Variants in TMEM181 observed in about 807,000 individuals in gnomAD.
TMEM181 encodes the protein G protein-coupled receptor 178.
A neutral mutation model predicts 71.9 loss-of-function variants in TMEM181; 39 were observed. The ratio of observed to expected loss-of-function variants is 0.54; its 90% CI spans 0.42 to 0.71. The LOEUF is 0.71. Ranked by LOEUF, TMEM181 falls within the 30% of genes least tolerant of loss-of-function variation. TMEM181 has a pLI of 0.00. For synonymous variants in TMEM181, 245 were observed against 228.8 expected (o/e 1.07, Z -0.64); for missense variants, 595 against 583.0 (o/e 1.02, Z -0.21).
intron 1 of TMEM181, among the ~76,000 whole-genome samples, chr6:158,560,858 T>G (rs7739346): frequency 6.6e-6 from 1 of 151,234 alleles, no homozygotes; most frequent in South Asian, 2.1e-4. Context: ...GGGTTTTTAA[T>G]GAGGAAAAAC....
intron 6 of TMEM181, among the ~76,000 whole-genome samples, chr6:158,605,018 G>A (rs1295109599): frequency 3.3e-5 from 5 of 151,800 alleles, no homozygotes; most frequent in Admixed American, 2.0e-4. Context: ...GGAGGCTGAG[G>A]TAGGAGAAGT....
rs201020009 is a variant in TMEM181 at position 158,570,920 on chromosome 6, GTT to G, written c.9-2490_9-2489del. ...AGTATTTTGTTTGTTTGTTAGGTTG[GTT>G]TTTTTTTTTGAGATGGAGTCTCGCT... On this transcript the variant is annotated intron_variant, in intron 1 of 16. Transcript: ENST00000684151. Among the ~76,000 whole-genome samples the G allele has an allele frequency of 2.1e-5, 3 of 144,490 alleles. No homozygotes were observed. The East Asian group carries it at 6.0e-4, about 29-fold the overall frequency. 94.8% of individuals were successfully genotyped at this position (144,490 alleles called of 152,430 possible).
chr6:158,622,655 A>C (rs945750162), intron 10 of TMEM181, among the ~76,000 whole-genome samples: 6 of 152,238 alleles, frequency 3.9e-5, no homozygotes, highest in African/African-American at 9.6e-5. Context: ...CAGTTAACTG[A>C]AACTGCAGAA....
At chr6:158,560,711 C>G (rs1782115481) in intron 1 of TMEM181, among the ~76,000 whole-genome samples, 1 of 152,186 alleles carries the variant, frequency 6.6e-6, no homozygotes, top group African/African-American at 2.4e-5. Flanking sequence ...CTCTCAGAGG[C>G]GATTGGTGAC....
At position 158,631,924 on chromosome 6, in the gene TMEM181, G is replaced by A; in HGVS notation, c.*36G>A. Reference sequence around the variant, plus strand: ...GCCCAGCGAGGCGACAAGATGCCTGGATGCTTTCCCCGGTGACCGTCTGCT... The same window carrying A: ...GCCCAGCGAGGCGACAAGATGCCTGAATGCTTTCCCCGGTGACCGTCTGCT... On this transcript the variant is annotated 3_prime_UTR_variant, in exon 17 of 17. Transcript: ENST00000684151. 2 of 1,547,678 alleles carry A rather than the reference G, an allele frequency of 1.3e-6. No homozygotes were observed. The highest frequency in any genetic ancestry group is 1.8e-6 in the Non-Finnish European group (2 of 1,140,750).
chr6:158,541,779 T>C (rs1361857497), intron 1 of TMEM181, among the ~76,000 whole-genome samples: 1 of 152,228 alleles, frequency 6.6e-6, no homozygotes, highest in Non-Finnish European at 1.5e-5. Context: ...TCATCTTTTC[T>C]CCTTGTTTTC....
intron 15 of TMEM181, among the ~76,000 whole-genome samples, chr6:158,630,736 A>T (rs1786612702): frequency 1.3e-5 from 2 of 150,928 alleles, no homozygotes; most frequent in Non-Finnish European, 3.0e-5. Context: ...AAGCCAAAAC[A>T]TACAAAAAGT....
rs1786209000 is a variant in TMEM181 at position 158,625,254 on chromosome 6, C to T, written c.1057+48C>T. On this transcript the variant is annotated intron_variant, in intron 12 of 16. Coordinates refer to ENST00000684151, the MANE Select transcript of TMEM181 (RefSeq NM_001376852.1). ...GTGCAGGGGTGGCTTGGGAGTGACT[C>T]AGGTGGGGGAAGAAGTGGTTGGAGT... is the stretch of plus-strand genomic sequence containing the variant. 3.3e-6 allele frequency: 5 copies of T among 1,524,920 alleles called. No individual in the cohort carries two copies. In the East Asian group the frequency reaches 6.7e-5, roughly 21 times the overall value. The allele number at this position is 1,524,920 out of a possible 1,614,324, so 94.5% of individuals were successfully genotyped here.
At chr6:158,537,072 C>T (rs1781143291) in intron 1 of TMEM181, among the ~76,000 whole-genome samples, 1 of 151,844 alleles carries the variant, frequency 6.6e-6, no homozygotes, top group African/African-American at 2.4e-5. Context: ...CTGGCAGCGG[C>T]GGGCAGGTTC....
chr6:158,545,068 G>C (rs376097350), intron 1 of TMEM181, among the ~76,000 whole-genome samples: 1 of 152,228 alleles, frequency 6.6e-6, no homozygotes, highest in African/African-American at 2.4e-5. Context: ...GCTGCCCACC[G>C]CTCAGGGGCC....
chr6:158,605,162 G>T, intron 6 of TMEM181, 105 bp from the exon 7 acceptor site: 4 of 668,762 alleles, frequency 6.0e-6, no homozygotes, highest in Admixed American at 2.0e-5. Context: ...GTGTGTGTAT[G>T]TGTATATATT....
At chr6:158,567,665 A>G (rs149188921) in intron 1 of TMEM181, among the ~76,000 whole-genome samples, 32 of 152,232 alleles carry the variant, frequency 2.1e-4, no homozygotes, top group East Asian at 1.4e-3. Context: ...GCTTGACCCT[A>G]TTGGGCAGCA....
intron 10 of TMEM181, among the ~76,000 whole-genome samples, chr6:158,621,860 A>G (rs1462417496): frequency 1.3e-5 from 2 of 152,214 alleles, no homozygotes; most frequent in Non-Finnish European, 2.9e-5. Flanking sequence ...TTACTTTGCA[A>G]TACAAAGTCC....
rs1271397322 is a variant in TMEM181, at chr6:158,570,586, TC to T, written c.9-2833del. On this transcript the variant is annotated intron_variant, in intron 1 of 16. Coordinates refer to ENST00000684151, the MANE Select transcript of TMEM181 (RefSeq NM_001376852.1). ...CACAGGTGGGGAAACAGGTCTGGAGTCAGTATACGTGCCCAAGATGCTGCAG... is the reference window on the plus strand; with the variant it reads ...CACAGGTGGGGAAACAGGTCTGGAGTAGTATACGTGCCCAAGATGCTGCAG... 2.6e-5 allele frequency among the ~76,000 whole-genome samples: 4 copies of T among 151,666 alleles called. No homozygotes were observed. In the East Asian group the frequency reaches 5.8e-4, roughly 22 times the overall value.
Position 158,625,706 on chromosome 6 carries a change from T to A in TMEM181, c.1061T>A (p.Leu354His), listed in dbSNP as rs1786234696. The change falls in exon 13 of 17, where the codon CTC becomes CAC. Residue 354 changes from leucine to histidine, a missense_variant. By Grantham distance (99) the Leu-to-His change is moderately conservative (BLOSUM62 -3). Coordinates refer to ENST00000684151, the MANE Select transcript of TMEM181 (RefSeq NM_001376852.1). ...SELRHMPYVD[L>H]RLKFLTALTF... ...AATGAGTTTCTTTCTTTTTCAGATC[T>A]CAGGTTGAAATTTTTGACTGCATTG... 6.2e-7 allele frequency: 1 copy of A among 1,609,584 alleles called. No individual in the cohort carries two copies. The highest frequency in any genetic ancestry group is 8.5e-7 in the Non-Finnish European group (1 of 1,178,880).
chr6:158,573,358 C>T (rs909477476), intron 1 of TMEM181, 62 bp from the exon 2 acceptor site: 15 of 1,330,358 alleles, frequency 1.1e-5, no homozygotes, highest in Admixed American at 8.1e-5. Flanking sequence ...GCTGCAGGGC[C>T]GCTTTCCTGT....
intron 1 of TMEM181, among the ~76,000 whole-genome samples, chr6:158,538,299 C>G (rs1781206536): frequency 6.6e-6 from 1 of 152,022 alleles, no homozygotes; most frequent in Non-Finnish European, 1.5e-5. Context: ...GCTGGGACCA[C>G]AGGCCTGTGC....
intron 1 of TMEM181, among the ~76,000 whole-genome samples, chr6:158,565,542 G>C (rs757996695): frequency 5.9e-5 from 9 of 152,216 alleles, no homozygotes; most frequent in Non-Finnish European, 1.2e-4. Flanking sequence ...ACGCTGGGGG[G>C]AGAAAGTTCA....
At position 158,549,180 on chromosome 6, in the gene TMEM181, C is replaced by T. The variant is rs562203971; in HGVS notation, c.131+12315C>T. On this transcript the variant is annotated intron_variant, in intron 1 of 16. Coordinates refer to the TMEM181 transcript ENST00000367090. ...TTGCCCAGGCTGGAGCCCAGTGGCG[C>T]GATCACGGCTCACTGCAACCTCCGC... Among the ~76,000 whole-genome samples the T allele has an allele frequency of 7.0e-5, 10 of 142,070 alleles. No individual in the cohort carries two copies. The East Asian group carries it at 1.9e-3, about 27-fold the overall frequency. The allele number at this position is 142,070 out of a possible 152,430, so 93.2% of individuals were successfully genotyped here.
Sources: allele counts gnomAD v4.1 joint callset (sites outside exome capture counted in the v4.1 genomes callset), GRCh38; gene constraint gnomAD v4.1.1; transcripts MANE v1.5; gene names NCBI Gene and HGNC (gene_info 2026-07-23, HGNC 2026-07-21).